Variants in DLGAP1 observed in about 807,000 individuals in gnomAD.
DLGAP1 encodes disks large-associated protein 1.
A neutral mutation model predicts 90.8 loss-of-function variants in DLGAP1; 11 were observed. The observed-to-expected ratio is 0.12, with a 90% CI of 0.08 to 0.20. DLGAP1 has a LOEUF of 0.20. Ranked by LOEUF, DLGAP1 falls within the 10% of genes least tolerant of loss-of-function variation. The pLI, the probability that DLGAP1 is intolerant of heterozygous loss-of-function variation, is 1.00. For missense variants in DLGAP1, 1,050 were observed against 1,333.8 expected, an observed-to-expected ratio of 0.79 and a Z score of 3.31; for synonymous variants, 558 against 540.7, an observed-to-expected ratio of 1.03 and a Z score of -0.44.
chr18:3,649,366 C>T (rs568070342), intron 7 of DLGAP1, among the ~76,000 whole-genome samples: 1 of 152,300 alleles, frequency 6.6e-6, no homozygotes, highest in Admixed American at 6.5e-5. Context: ...CTATCCAACA[C>T]GAGGAGTCGC....
At chr18:3,569,058 A>G (rs1428500397) in intron 8 of DLGAP1, among the ~76,000 whole-genome samples, 1 of 151,488 alleles carries the variant, frequency 6.6e-6, no homozygotes, top group Non-Finnish European at 1.5e-5. Flanking sequence ...GCTAGAGTGC[A>G]GTGGCGCAAT....
intron 1 of DLGAP1, among the ~76,000 whole-genome samples, chr18:4,351,893 G>C (rs2081410236): frequency 6.6e-6 from 1 of 152,150 alleles, no homozygotes; most frequent in Non-Finnish European, 1.5e-5. Context: ...ACACTCAAAT[G>C]TGTTTTTTTC....
At chr18:3,911,411 A>G (rs1023911682) in intron 3 of DLGAP1, among the ~76,000 whole-genome samples, 5 of 152,248 alleles carry the variant, frequency 3.3e-5, no homozygotes, top group African/African-American at 9.6e-5. Flanking sequence ...TTATTTAAAG[A>G]AAGTTTCTTC....
rs564008043 is a variant in DLGAP1, at chr18:3,798,631, G to A, written c.1172+15428C>T. ...GCGTATCTGTTTCTATGGTTTTATC[G>A]TTGTCTATTCCCTCTAAGGTTGTTT... On this transcript the variant is annotated intron_variant, in intron 5 of 12. Coordinates refer to ENST00000315677, the MANE Select transcript of DLGAP1 (RefSeq NM_004746.4). Among the ~76,000 whole-genome samples, 7 of 152,200 alleles carry A rather than the reference G, an allele frequency of 4.6e-5. No homozygotes were observed. In the East Asian group the frequency reaches 5.8e-4, roughly 13 times the overall value.
rs555290708 is a variant in DLGAP1 at position 3,928,538 on chromosome 18, T to C, written c.-72-48398A>G. On this transcript the variant is annotated intron_variant, in intron 3 of 12. Coordinates refer to ENST00000315677, the MANE Select transcript of DLGAP1 (RefSeq NM_004746.4). ...TGATAATAAGAATAGCTCCGTCATA[T>C]AGAGACCTTATTATGTGCCAGGCAT... Among the ~76,000 whole-genome samples, 28 of 152,320 alleles carry C rather than the reference T, an allele frequency of 1.8e-4. 1 individual carries two copies. The South Asian group carries it at 5.6e-3, about 30-fold the overall frequency.
chr18:3,515,777 CAAAAAA>C (rs55680550), intron 10 of DLGAP1, among the ~76,000 whole-genome samples: 4 of 93,460 alleles, frequency 4.3e-5, no homozygotes, highest in Admixed American at 1.2e-4. Context: ...GACCCTGTCT[CAAAAAA>C]AAAAAAAAAA....
chr18:3,683,260 T>G (rs2146922435), intron 7 of DLGAP1, among the ~76,000 whole-genome samples: 1 of 152,274 alleles, frequency 6.6e-6, no homozygotes, highest in East Asian at 1.9e-4. Flanking sequence ...TGAAATCAGG[T>G]GAGAAAAGGT....
intron 6 of DLGAP1, among the ~76,000 whole-genome samples, chr18:3,741,188 C>T (rs1451324405): frequency 9.2e-5 from 4 of 43,436 alleles, no homozygotes; most frequent in Admixed American, 2.1e-4. Context: ...ACCACCACCA[C>T]CACCACCACC....
chr18:3,661,040 CA>C (rs1041161605), intron 7 of DLGAP1, among the ~76,000 whole-genome samples: 3 of 152,122 alleles, frequency 2.0e-5, no homozygotes, highest in Non-Finnish European at 4.4e-5. Flanking sequence ...TTCAAAAGAT[CA>C]TGTGACAGCC....
At chr18:3,534,754 T>C (rs2052241583) in intron 9 of DLGAP1, 139 bp from the exon 10 acceptor site, 1 of 795,392 alleles carries the variant, frequency 1.3e-6, no homozygotes, top group Non-Finnish European at 1.9e-6. Flanking sequence ...GCAAGTGGCG[T>C]GATCTCGGCT....
intron 7 of DLGAP1, among the ~76,000 whole-genome samples, chr18:3,601,432 A>G (rs1568281430): frequency 6.6e-6 from 1 of 151,374 alleles, no homozygotes; most frequent in Non-Finnish European, 1.5e-5. Flanking sequence ...CACTTCACAT[A>G]TGCAAGGGTG....
chr18:4,029,295 A>G (rs953659100), intron 2 of DLGAP1, among the ~76,000 whole-genome samples: 25 of 152,216 alleles, frequency 1.6e-4, no homozygotes, highest in African/African-American at 5.3e-4. Context: ...GGCTATTATG[A>G]ATAGTGCTGC....
intron 8 of DLGAP1, among the ~76,000 whole-genome samples, chr18:3,568,591 G>T (rs181340130): frequency 1.3e-5 from 2 of 152,132 alleles, no homozygotes; most frequent in East Asian, 3.9e-4. Flanking sequence ...AATATATAAT[G>T]TAGAAAGAGA....
intron 2 of DLGAP1, among the ~76,000 whole-genome samples, chr18:4,129,375 T>C (rs1469017491): frequency 1.3e-5 from 2 of 152,126 alleles, no homozygotes; most frequent in Non-Finnish European, 2.9e-5. Flanking sequence ...GACTACACTA[T>C]GGTAATGCAG....
At chr18:3,500,314 A>G (rs2049863571) in intron 12 of DLGAP1, among the ~76,000 whole-genome samples, 1 of 152,186 alleles carries the variant, frequency 6.6e-6, no homozygotes, top group South Asian at 2.1e-4. Context: ...ACCACAAAGG[A>G]TTTTTAGGCA....
chr18:4,154,719 C>T (rs1020130475), intron 1 of DLGAP1, among the ~76,000 whole-genome samples: 2 of 152,124 alleles, frequency 1.3e-5, no homozygotes, highest in African/African-American at 4.8e-5. Flanking sequence ...CCTAGCCTCT[C>T]TCAGTTTTAA....
Position 3,800,574 on chromosome 18 carries a change from T to A in DLGAP1, c.1172+13485A>T, listed in dbSNP as rs538995187. ...AAGAAAGTTTAGACATGGGTATATA[T>A]AATATATGCTTAGAACATTTCTGAA... On this transcript the variant is annotated intron_variant, in intron 5 of 12. Transcript: ENST00000315677. Among the ~76,000 whole-genome samples the A allele has an allele frequency of 5.9e-5, 9 of 152,298 alleles. No homozygotes were observed. In the South Asian group the frequency reaches 8.3e-4, roughly 14 times the overall value.
chr18:3,747,480 G>C (rs2063319916), intron 5 of DLGAP1, among the ~76,000 whole-genome samples: 1 of 152,170 alleles, frequency 6.6e-6, no homozygotes, highest in Admixed American at 6.5e-5. Context: ...TTGCGCATTA[G>C]ATGACAAATG....
At chr18:4,106,104 T>C (rs1156376313) in intron 2 of DLGAP1, among the ~76,000 whole-genome samples, 1 of 151,940 alleles carries the variant, frequency 6.6e-6, no homozygotes, top group East Asian at 1.9e-4. Context: ...AAAAGGTTTT[T>C]GTTTTGTTTT....
Sources: allele counts gnomAD v4.1 joint callset (sites outside exome capture counted in the v4.1 genomes callset), GRCh38; gene constraint gnomAD v4.1.1; transcripts MANE v1.5; gene names NCBI Gene and HGNC (gene_info 2026-07-23, HGNC 2026-07-21).